The following ADAM23 variants were observed in gnomAD, a reference collection of about 807,000 sequenced individuals.
ADAM23 encodes disintegrin and metalloproteinase domain-containing protein 23.
In ADAM23, 33 loss-of-function variants were observed where a neutral mutation model predicts 120.1. The ratio of observed to expected loss-of-function variants is 0.27; its 90% CI spans 0.21 to 0.37. The LOEUF (loss-of-function observed/expected upper bound fraction) is 0.37, where lower values mean the gene tolerates loss of function less well. Ranked by LOEUF, ADAM23 falls within the 10% of genes least tolerant of loss-of-function variation. The pLI, the probability that ADAM23 is intolerant of heterozygous loss-of-function variation, is 1.00. For missense variants in ADAM23, 862 were observed against 1,058.2 expected (o/e 0.81, Z 2.57); for synonymous variants, 367 against 375.2 (o/e 0.98, Z 0.25).
rs1342974310 is a variant in ADAM23, at chr2:206,618,129, T to C, written c.*502T>C. On this transcript the variant is annotated 3_prime_UTR_variant, in exon 26 of 26. Coordinates refer to ENST00000264377, the MANE Select transcript of ADAM23 (RefSeq NM_003812.4). Reference sequence around the variant, plus strand: ...TATATACAACAAGCTAGCAAGCCAATTCTCAGCAAAACCTGCAACAGAATT... The same window carrying C: ...TATATACAACAAGCTAGCAAGCCAACTCTCAGCAAAACCTGCAACAGAATT... 6.6e-6 allele frequency: 1 copy of C among 152,644 alleles called. No individual in the cohort carries two copies. The highest frequency in any genetic ancestry group is 1.5e-5 in the Non-Finnish European group (1 of 68,266). 9.5% of individuals were successfully genotyped at this position (152,644 alleles called of 1,614,324 possible).
intron 2 of ADAM23, among the ~76,000 whole-genome samples, chr2:206,477,892 AAAAAAAT>A (rs1394368891): frequency 8.4e-6 from 1 of 119,664 alleles, no homozygotes. Flanking sequence ...AAAAAAAAAA[AAAAAAAT>A]ATATATATAT....
chr2:206,489,949 CT>C (rs1465830216), intron 3 of ADAM23, among the ~76,000 whole-genome samples: 3 of 152,210 alleles, frequency 2.0e-5, no homozygotes, highest in African/African-American at 7.2e-5. Flanking sequence ...GTAGAACCAT[CT>C]GTTATGCTCT....
At chr2:206,607,005 C>T (rs554136631) in intron 24 of ADAM23, 5 of 152,232 alleles carry the variant, frequency 3.3e-5, no homozygotes, top group Admixed American at 3.3e-4. Flanking sequence ...AATGGGTGCT[C>T]CTCTTACACA....
chr2:206,448,370 C>T lies in ADAM23; in HGVS notation c.432+2846C>T, dbSNP rs577135845. 1.4e-4 allele frequency among the ~76,000 whole-genome samples: 22 copies of T among 152,200 alleles called. 1 individual carries two copies. The highest frequency in any genetic ancestry group is 2.1e-4 in the Non-Finnish European group (14 of 67,996). On this transcript the variant is annotated intron_variant, in intron 2 of 25. Coordinates refer to ENST00000264377, the MANE Select transcript of ADAM23 (RefSeq NM_003812.4). ...GCTAGCTAGGAAGTCAGATTCCTGC[C>T]GTGTAGCAGTATTAGGGTCTGAAAT... is the stretch of plus-strand genomic sequence containing the variant.
chr2:206,451,588 AAGAAC>A (rs1243616562), intron 2 of ADAM23, among the ~76,000 whole-genome samples: 4 of 152,200 alleles, frequency 2.6e-5, no homozygotes, highest in Admixed American at 2.6e-4. Context: ...TAGTTCCTCT[AAGAAC>A]CCAGTGACAT....
At chr2:206,499,818 C>T (rs1182158162) in intron 3 of ADAM23, among the ~76,000 whole-genome samples, 1 of 151,938 alleles carries the variant, frequency 6.6e-6, no homozygotes, top group Non-Finnish European at 1.5e-5. Context: ...CTTTGAATTC[C>T]TGGGTTCTTT....
At chr2:206,613,393 G>T (rs751150452) in intron 25 of ADAM23, among the ~76,000 whole-genome samples, 7 of 152,178 alleles carry the variant, frequency 4.6e-5, no homozygotes, top group African/African-American at 9.7e-5. Context: ...GAAGTATGAG[G>T]TTACTAAGGG....
chr2:206,561,295 G>A (rs1294440472), intron 12 of ADAM23, 83 bp downstream of exon 12: 1 of 1,189,352 alleles, frequency 8.4e-7, no homozygotes, highest in Non-Finnish European at 1.2e-6. Flanking sequence ...TCTCGTGCTT[G>A]TTTAGAATGA....
chr2:206,460,209 G>A (rs1304798524), intron 2 of ADAM23, among the ~76,000 whole-genome samples: 1 of 150,964 alleles, frequency 6.6e-6, no homozygotes, highest in African/African-American at 2.4e-5. Flanking sequence ...CTTTATGTTT[G>A]TGTATTTAAA....
rs192537860 is a variant in ADAM23, at chr2:206,497,417, A to G, written c.509+16109A>G. ...AGACAAAAACCACATGATTATCTCA[A>G]TAGATGCAGAAAAGGCCTTTGAAAA... On this transcript the variant is annotated intron_variant, in intron 3 of 25. Coordinates refer to ENST00000264377, the MANE Select transcript of ADAM23 (RefSeq NM_003812.4). Among the ~76,000 whole-genome samples, 939 of 152,324 alleles carry G rather than the reference A, an allele frequency of 6.2e-3. 18 individuals are homozygous for G. The highest frequency in any genetic ancestry group is 0.021 in the African/African-American group (888 of 41,576).
At chr2:206,556,204 A>G (rs768144894) in intron 9 of ADAM23, among the ~76,000 whole-genome samples, 17 of 148,322 alleles carry the variant, frequency 1.1e-4, no homozygotes, top group Non-Finnish European at 2.1e-4. Context: ...CAGAATATTA[A>G]TTTATTTAGC....
intron 5 of ADAM23, among the ~76,000 whole-genome samples, chr2:206,542,910 G>A (rs1697321667): frequency 6.6e-6 from 1 of 152,144 alleles, no homozygotes. Flanking sequence ...GTTGTACATG[G>A]TTCTGGAATA....
chr2:206,606,201 A>G (rs1574563129), intron 24 of ADAM23, among the ~76,000 whole-genome samples: 3 of 152,290 alleles, frequency 2.0e-5, no homozygotes, highest in Admixed American at 2.0e-4. Flanking sequence ...TAAACCATTT[A>G]TTGGCAAAAA....
chr2:206,455,198 C>T (rs961924389), intron 2 of ADAM23, among the ~76,000 whole-genome samples: 1 of 152,242 alleles, frequency 6.6e-6, no homozygotes, highest in Admixed American at 6.5e-5. Flanking sequence ...TGACTTTTAC[C>T]TTCTGCATAC....
At chr2:206,593,811 A>T (rs1698469505) in intron 22 of ADAM23, among the ~76,000 whole-genome samples, 1 of 152,030 alleles carries the variant, frequency 6.6e-6, no homozygotes, top group African/African-American at 2.4e-5. Flanking sequence ...ATTCAAATTC[A>T]AATTATACCT....
At chr2:206,592,553 C>G (rs114737372) in intron 21 of ADAM23, 64 bp from the exon 22 acceptor site, 28 of 1,562,436 alleles carry the variant, frequency 1.8e-5, no homozygotes, top group Non-Finnish European at 2.3e-5. Flanking sequence ...TGGACCGAAT[C>G]GTTTTGATTT....
intron 9 of ADAM23, among the ~76,000 whole-genome samples, chr2:206,551,775 A>G (rs1449933364): frequency 1.3e-5 from 2 of 152,190 alleles, no homozygotes; most frequent in Middle Eastern, 3.2e-3. Flanking sequence ...TCCATTAACT[A>G]TCAGTTTAAT....
intron 2 of ADAM23, among the ~76,000 whole-genome samples, chr2:206,465,342 C>T (rs952669028): frequency 2.6e-5 from 4 of 152,090 alleles, no homozygotes; most frequent in Non-Finnish European, 4.4e-5. Flanking sequence ...ATCTGGCCTA[C>T]GTTCTTGCAG....
chr2:206,579,202 T>C (rs1162712085), intron 18 of ADAM23, among the ~76,000 whole-genome samples: 2 of 152,204 alleles, frequency 1.3e-5, no homozygotes, highest in African/African-American at 4.8e-5. Flanking sequence ...CTCTGCTGAC[T>C]TTTCCTTTTG....
Sources: allele counts gnomAD v4.1 joint callset (sites outside exome capture counted in the v4.1 genomes callset), GRCh38; gene constraint gnomAD v4.1.1; transcripts MANE v1.5; gene names NCBI Gene and HGNC (gene_info 2026-07-23, HGNC 2026-07-21).